The following IL2RB variants were observed in gnomAD, a reference collection of about 807,000 sequenced individuals.
The protein encoded by IL2RB is interleukin-2 receptor subunit beta.
Under a neutral mutation model 44.2 loss-of-function variants are expected in IL2RB, and 17 were observed. The ratio of observed to expected loss-of-function variants is 0.38; its 90% confidence interval spans 0.26 to 0.58. The LOEUF (loss-of-function observed/expected upper bound fraction) is 0.58. IL2RB is among the 20% of genes least tolerant of loss of function. IL2RB has a pLI of 0.63. For synonymous variants in IL2RB, 286 were observed against 297.9 expected, an observed-to-expected ratio of 0.96 and a Z score of 0.41; for missense variants, 624 against 685.5, an observed-to-expected ratio of 0.91 and a Z score of 1.00.
intron 6 of IL2RB, 131 bp downstream of exon 6, chr22:37,137,456 A>G: frequency 1.1e-6 from 1 of 878,914 alleles, no homozygotes; most frequent in African/African-American, 1.7e-5. Flanking sequence ...CAGTGCAGAA[A>G]GAGCACTGGA....
At chr22:37,138,536 C>T (rs941531850) in intron 5 of IL2RB, among the ~76,000 whole-genome samples, 4 of 152,214 alleles carry the variant, frequency 2.6e-5, no homozygotes, top group Non-Finnish European at 4.4e-5. Flanking sequence ...AACAAACCTT[C>T]CCAGACCACT....
At chr22:37,164,546 C>T (rs1007748902) in intron 1 of IL2RB, among the ~76,000 whole-genome samples, 17 of 152,050 alleles carry the variant, frequency 1.1e-4, no homozygotes, top group African/African-American at 3.4e-4. Context: ...AGTTGTGAAG[C>T]TCACACCAAG....
At position 37,139,109 on chromosome 22, in the gene IL2RB, T is replaced by A. The variant is rs1458579629; in HGVS notation, c.388+8A>T. 2.5e-6 allele frequency: 4 copies of A among 1,585,618 alleles called. No individual in the cohort carries two copies. Among genetic ancestry groups the A allele is most frequent in the Non-Finnish European group, 3.5e-6 (4 of 1,154,140 alleles). ...CTGCCCCAGCCCCACCCTGGCTTCC[T>A]CACTCACGGTTCTCAAAGGGCTTGA... On this transcript the variant is annotated splice_region_variant and intron_variant, in intron 5 of 9. Coordinates refer to ENST00000216223, the MANE Select transcript of IL2RB (RefSeq NM_000878.5).
At chr22:37,147,931 C>T (rs866839374) in intron 1 of IL2RB, among the ~76,000 whole-genome samples, 1 of 152,236 alleles carries the variant, frequency 6.6e-6, no homozygotes, top group African/African-American at 2.4e-5. Flanking sequence ...CACGCTCAAT[C>T]ATGCCAACCT....
Position 37,127,771 on chromosome 22 carries a change from G to T in IL2RB, c.*325C>A, listed in dbSNP as rs1374591252. 1.8e-5 allele frequency: 4 copies of T among 220,296 alleles called. No individual in the cohort carries two copies. The highest frequency in any genetic ancestry group is 2.7e-5 in the Non-Finnish European group (3 of 112,762). The allele number at this position is 220,296 out of a possible 1,614,324, so 13.6% of individuals were successfully genotyped here. A position where few individuals can be genotyped will look rare whatever the true frequency, so the allele number is the denominator to read the frequency against. The stretch of plus-strand genomic sequence containing the variant: ...CTGGAGAGCCGCGAGGACTGATATT[G>T]GTGAATAGCTGCAGGGCTGGAGAGG... On this transcript the variant is annotated 3_prime_UTR_variant, in exon 10 of 10. Coordinates refer to ENST00000216223, the MANE Select transcript of IL2RB (RefSeq NM_000878.5).
In IL2RB at chr22:37,144,107, A is replaced by G. The variant is rs1472504125; in HGVS notation, c.66T>C (p.Ser22=). Residue 22 remains serine, a synonymous_variant, in exon 2 of 10, where the codon TCT becomes TCC. Coordinates refer to ENST00000216223, the MANE Select transcript of IL2RB (RefSeq NM_000878.5). ...LLILLLPLAT[S]WASAAVNGTS... ...CACCATTCACCGCTGCAGATGCCCAAGAGGTAGCCAGGGGCAGGAGGAGGA... is the reference window on the plus strand; with the variant it reads ...CACCATTCACCGCTGCAGATGCCCAGGAGGTAGCCAGGGGCAGGAGGAGGA... The G allele has an allele frequency of 6.4e-7, 1 of 1,552,452 alleles. No homozygotes were observed. Among genetic ancestry groups the G allele is most frequent in the Non-Finnish European group, 8.7e-7 (1 of 1,147,238 alleles).
intron 1 of IL2RB, among the ~76,000 whole-genome samples, chr22:37,168,704 G>A (rs1440036968): frequency 6.6e-6 from 1 of 152,196 alleles, no homozygotes; most frequent in African/African-American, 2.4e-5. Flanking sequence ...TGTTCCATAG[G>A]CCGGAATGGG....
At chr22:37,152,050 T>A (rs1361409543), upstream of IL2RB, among the ~76,000 whole-genome samples, 2 of 152,232 alleles carry the variant, frequency 1.3e-5, no homozygotes, top group Admixed American at 1.3e-4. Flanking sequence ...TTGGCTACTC[T>A]GCATCTTTTG....
At chr22:37,150,532 G>A (rs1422887629), upstream of IL2RB, among the ~76,000 whole-genome samples, 1 of 152,052 alleles carries the variant, frequency 6.6e-6, no homozygotes, top group African/African-American at 2.4e-5. Context: ...AATCACATCA[G>A]GGTAAATGGG....
At chr22:37,151,354 A>G (rs1243323134), upstream of IL2RB, among the ~76,000 whole-genome samples, 1 of 152,078 alleles carries the variant, frequency 6.6e-6, no homozygotes, top group Admixed American at 6.6e-5. Context: ...TCATAAACTT[A>G]TATGTTTTCT....
chr22:37,166,667 G>C (rs1351952423), intron 1 of IL2RB: 1 of 152,208 alleles, frequency 6.6e-6, no homozygotes, highest in African/African-American at 2.4e-5. Context: ...AAAACAGCAG[G>C]GCACAATGAC....
rs541345632 is a variant in IL2RB at position 37,142,254 on chromosome 22, A to G, written c.282+180T>C. 1.8e-4 allele frequency among the ~76,000 whole-genome samples: 27 copies of G among 152,124 alleles called. 1 individual carries two copies. The highest frequency in any genetic ancestry group is 5.2e-4 in the Admixed American group (8 of 15,282). ...TCGGCCCTGGGGCAGGCCTGAGTCC[A>G]CTCCCTGGGGTGTCACCTGTTTTTC... is the stretch of plus-strand genomic sequence containing the variant. On this transcript the variant is annotated intron_variant, in intron 4 of 9. Transcript: ENST00000216223.
chr22:37,138,956 A>C (rs1921831200), intron 5 of IL2RB, 161 bp downstream of exon 5: 1 of 588,136 alleles, frequency 1.7e-6, no homozygotes, highest in Non-Finnish European at 3.1e-6. Context: ...TGCCAGAGGA[A>C]GGAGCCAGGA....
chr22:37,167,876 G>A (rs1923136275), intron 1 of IL2RB, among the ~76,000 whole-genome samples: 1 of 152,184 alleles, frequency 6.6e-6, no homozygotes, highest in African/African-American at 2.4e-5. Flanking sequence ...AAGATGGGAA[G>A]CAAGGGAGGA....
rs972245069 is a variant in IL2RB at position 37,147,284 on chromosome 22, C to T, written c.-34+2541G>A. The stretch of plus-strand genomic sequence containing the variant: ...AGGCACACAGAGGTGAAGTGCGTTG[C>T]CTAAGGTCATGCAGTGGATAAGAGG... On this transcript the variant is annotated intron_variant, in intron 1 of 9. Coordinates refer to ENST00000216223, the MANE Select transcript of IL2RB (RefSeq NM_000878.5). Among the ~76,000 whole-genome samples the T allele has an allele frequency of 6.6e-5, 10 of 152,302 alleles. No individual in the cohort carries two copies. The East Asian group carries it at 1.9e-3, about 29-fold the overall frequency.
At chr22:37,139,646 G>A (rs1230452489) in intron 4 of IL2RB, among the ~76,000 whole-genome samples, 1 of 152,126 alleles carries the variant, frequency 6.6e-6, no homozygotes. Flanking sequence ...CCCCACAAAG[G>A]TACAGTTCTG....
intron 4 of IL2RB, 31 bp downstream of exon 4, chr22:37,142,403 C>T: frequency 6.2e-7 from 1 of 1,601,262 alleles, no homozygotes; most frequent in Non-Finnish European, 8.6e-7. Context: ...CCACCCTCTC[C>T]CTGCACTCTC....
upstream of IL2RB, among the ~76,000 whole-genome samples, chr22:37,153,093 C>A (rs1289497513): frequency 6.6e-6 from 1 of 152,052 alleles, no homozygotes; most frequent in Non-Finnish European, 1.5e-5. Context: ...TGCTACCATG[C>A]CCGGCTAATT....
intron 1 of IL2RB, among the ~76,000 whole-genome samples, chr22:37,155,988 C>T (rs1186953723): frequency 1.3e-5 from 2 of 152,206 alleles, no homozygotes; most frequent in Non-Finnish European, 2.9e-5. Context: ...CCCTGATGTC[C>T]TTGGGCTGTC....
Sources: allele counts gnomAD v4.1 joint callset (sites outside exome capture counted in the v4.1 genomes callset), GRCh38; gene constraint gnomAD v4.1.1; transcripts MANE v1.5; gene names NCBI Gene and HGNC (gene_info 2026-07-23, HGNC 2026-07-21).